The following ZNF277 variants were observed in gnomAD, a reference collection of about 807,000 sequenced individuals.
ZNF277 encodes the protein nuclear receptor-interacting factor 4.
A neutral mutation model predicts 60.7 loss-of-function variants in ZNF277; 55 were observed. That is an observed-to-expected ratio of 0.91 (90% CI 0.73 to 1.13). The LOEUF (loss-of-function observed/expected upper bound fraction) is 1.13, where lower values mean the gene tolerates loss of function less well. Among genes scored for constraint, ZNF277 ranks in the 50% most tolerant of loss-of-function variants. The pLI, the probability that ZNF277 is intolerant of heterozygous loss-of-function variation, is 0.00. For missense variants in ZNF277, 510 were observed against 523.0 expected, an observed-to-expected ratio of 0.98 and a Z score of 0.24; for synonymous variants, 178 against 179.3, an observed-to-expected ratio of 0.99 and a Z score of 0.06.
chr7:112,316,500 C>T (rs1223041666), intron 4 of ZNF277, among the ~76,000 whole-genome samples: 9 of 152,080 alleles, frequency 5.9e-5, no homozygotes, highest in Middle Eastern at 3.4e-3. Flanking sequence ...AATTTTCTCC[C>T]GTTCTGTAGG....
chr7:112,340,383 G>A (rs1364747849), intron 10 of ZNF277, among the ~76,000 whole-genome samples: 6 of 152,076 alleles, frequency 3.9e-5, no homozygotes, highest in Non-Finnish European at 4.4e-5. Flanking sequence ...AACGATTTGG[G>A]GCATTAAGAC....
chr7:112,207,187 C>A (rs1821534861), intron 1 of ZNF277, among the ~76,000 whole-genome samples: 1 of 152,194 alleles, frequency 6.6e-6, no homozygotes, highest in African/African-American at 2.4e-5. Flanking sequence ...GCAGCTCTTT[C>A]TCCTCACCAG....
At chr7:112,208,028 C>T (rs1821608435) in intron 1 of ZNF277, among the ~76,000 whole-genome samples, 1 of 152,102 alleles carries the variant, frequency 6.6e-6, no homozygotes, top group Non-Finnish European at 1.5e-5. Flanking sequence ...TTCAAAGTTC[C>T]AGAGGGCTAC....
chr7:112,237,298 G>A (rs1790822268), intron 1 of ZNF277, among the ~76,000 whole-genome samples: 1 of 152,020 alleles, frequency 6.6e-6, no homozygotes, highest in Admixed American at 6.6e-5. Context: ...ATAACCTAAT[G>A]TTGCACTTAA....
Position 112,260,230 on chromosome 7 carries a change from C to A in ZNF277, c.92-26643C>A, listed in dbSNP as rs377530118. ...GCAGTGAGCCGTGATCACACCACTG[C>A]ACTCCACCCTAGTGATAGGAGTGAG... On this transcript the variant is annotated intron_variant, in intron 1 of 11. Transcript: ENST00000361822. Among the ~76,000 whole-genome samples, 63 of 152,302 alleles carry A rather than the reference C, an allele frequency of 4.1e-4. 1 individual carries two copies. Among genetic ancestry groups the A allele is most frequent in the African/African-American group, 1.5e-3 (63 of 41,574 alleles).
chr7:112,304,043 G>A (rs557349714), intron 4 of ZNF277, among the ~76,000 whole-genome samples: 24 of 152,048 alleles, frequency 1.6e-4, no homozygotes, highest in Non-Finnish European at 3.4e-4. Flanking sequence ...ATGTATCTCT[G>A]TTTTTTATGT....
intron 1 of ZNF277, among the ~76,000 whole-genome samples, chr7:112,218,278 C>T (rs1821938847): frequency 6.6e-6 from 1 of 152,186 alleles, no homozygotes; most frequent in African/African-American, 2.4e-5. Flanking sequence ...GGAGTCCTTG[C>T]TAAAGCAAGA....
At chr7:112,260,808 C>G (rs112341447) in intron 1 of ZNF277, among the ~76,000 whole-genome samples, 1,604 of 152,274 alleles carry the variant, frequency 0.011, 25 homozygotes, top group African/African-American at 0.036. Context: ...TGGGCCTACT[C>G]TAGTGTCTCT....
At chr7:112,255,072 T>C (rs1292549804) in intron 1 of ZNF277, among the ~76,000 whole-genome samples, 5 of 152,212 alleles carry the variant, frequency 3.3e-5, no homozygotes, top group Non-Finnish European at 2.9e-5. Context: ...GTGGTTTTTT[T>C]CTATTTTTGT....
intron 1 of ZNF277, among the ~76,000 whole-genome samples, chr7:112,277,471 G>A (rs891349503): frequency 2.0e-5 from 3 of 152,098 alleles, no homozygotes; most frequent in East Asian, 3.9e-4. Context: ...TTGAATTCCC[G>A]AAACCCCAGT....
chr7:112,225,813 T>C (rs1206074930), intron 1 of ZNF277, among the ~76,000 whole-genome samples: 3 of 152,366 alleles, frequency 2.0e-5, no homozygotes, highest in Admixed American at 1.3e-4. Context: ...GTAAATTTAG[T>C]ATACTATTTA....
chr7:112,298,594 T>C (rs138875552), intron 4 of ZNF277, among the ~76,000 whole-genome samples: 53 of 152,258 alleles, frequency 3.5e-4, no homozygotes, highest in Admixed American at 8.5e-4. Flanking sequence ...ATCAGTGACA[T>C]GAAGAAAAGA....
Position 112,327,788 on chromosome 7 carries a change from G to C in ZNF277, c.629G>C (p.Cys210Ser), listed in dbSNP as rs1280927716. 29 of 1,611,782 alleles carry C rather than the reference G, an allele frequency of 1.8e-5. No homozygotes were observed. Among genetic ancestry groups the C allele is most frequent in the Non-Finnish European group, 2.4e-5 (28 of 1,179,234 alleles). ...NIGLPDNIVN[C>S]NEFLCTLQKK... is the part of the protein sequence containing the mutation. The stretch of plus-strand genomic sequence containing the variant: ...GGATTGCCAGACAACATTGTAAACT[G>C]CAATGAATTTTTGTGTACATTACAG... The change falls in exon 6 of 12, where the codon TGC becomes TCC. Residue 210 changes from cysteine (C) to serine (S), a missense_variant. Coordinates refer to ENST00000361822, the MANE Select transcript of ZNF277 (RefSeq NM_021994.3).
intron 4 of ZNF277, among the ~76,000 whole-genome samples, chr7:112,316,044 A>G (rs1792837305): frequency 6.6e-6 from 1 of 152,158 alleles, no homozygotes; most frequent in South Asian, 2.1e-4. Flanking sequence ...GATATCATGA[A>G]AATAGCACCA....
At chr7:112,211,426 T>G (rs1821746714) in intron 1 of ZNF277, among the ~76,000 whole-genome samples, 3 of 152,226 alleles carry the variant, frequency 2.0e-5, no homozygotes, top group African/African-American at 7.2e-5. Context: ...CTGAATTACC[T>G]ACCTGCATCT....
chr7:112,267,400 A>G (rs1281120524), intron 1 of ZNF277, among the ~76,000 whole-genome samples: 3 of 152,182 alleles, frequency 2.0e-5, no homozygotes, highest in Non-Finnish European at 2.9e-5. Flanking sequence ...AGTTTCAGCA[A>G]TCAAACATTT....
chr7:112,270,398 A>G (rs1237806278), intron 1 of ZNF277, among the ~76,000 whole-genome samples: 1 of 152,120 alleles, frequency 6.6e-6, no homozygotes, highest in Non-Finnish European at 1.5e-5. Flanking sequence ...ATTTGCTATA[A>G]GGAAGGACTT....
chr7:112,284,770 G>A (rs1423544849), intron 1 of ZNF277, among the ~76,000 whole-genome samples: 1 of 152,062 alleles, frequency 6.6e-6, no homozygotes, highest in African/African-American at 2.4e-5. Context: ...AGTATGTTTG[G>A]GTGATGTATT....
chr7:112,237,778 T>A (rs1790839053), intron 1 of ZNF277, among the ~76,000 whole-genome samples: 1 of 152,102 alleles, frequency 6.6e-6, no homozygotes, highest in Non-Finnish European at 1.5e-5. Flanking sequence ...TTACCAAAAC[T>A]GTTACAAAAA....
Sources: gnomAD v4.1 joint callset for allele counts (sites outside exome capture counted in the v4.1 genomes callset) on GRCh38, gnomAD v4.1.1 for gene constraint, MANE v1.5 for transcripts, NCBI Gene and HGNC (gene_info 2026-07-23, HGNC 2026-07-21) for gene names.